TECRL: variants seen among roughly 807,000 people sequenced by gnomAD.
The protein encoded by TECRL is trans-2,3-enoyl-CoA reductase-like.
Under a neutral mutation model 52.8 loss-of-function variants are expected in TECRL, and 63 were observed. The ratio of observed to expected loss-of-function variants is 1.19; its 90% CI spans 0.97 to 1.47. The LOEUF is 1.47. Among genes scored for constraint, TECRL ranks in the 40% most tolerant of loss-of-function variants. The probability of loss-of-function intolerance (pLI) is 0.00; values close to 1 mark genes in which losing one functional copy is unlikely to be tolerated. For synonymous variants in TECRL, 164 were observed against 141.9 expected (o/e 1.16, Z -1.10); for missense variants, 482 against 429.6 (o/e 1.12, Z -1.08).
chr4:64,342,642 C>T (rs1719668158), intron 2 of TECRL, among the ~76,000 whole-genome samples: 1 of 151,706 alleles, frequency 6.6e-6, no homozygotes, highest in Admixed American at 6.6e-5. Context: ...AAATGATTTC[C>T]ATGAATCTTA....
At chr4:64,375,944 C>T (rs1577959573) in intron 1 of TECRL, among the ~76,000 whole-genome samples, 2 of 151,654 alleles carry the variant, frequency 1.3e-5, no homozygotes, top group African/African-American at 2.4e-5. Flanking sequence ...TCTCAAAAGA[C>T]ATTTTATGAT....
At chr4:64,375,094 T>C (rs1722302088) in intron 2 of TECRL, 78 bp downstream of exon 2, 1 of 667,410 alleles carries the variant, frequency 1.5e-6, no homozygotes, top group Non-Finnish European at 2.4e-6. Flanking sequence ...CTAACATATA[T>C]TGCACTTATA....
intron 8 of TECRL, among the ~76,000 whole-genome samples, chr4:64,298,040 T>A (rs919632027): frequency 2.0e-5 from 3 of 151,176 alleles, no homozygotes; most frequent in African/African-American, 7.2e-5. Context: ...TTTTTACTTT[T>A]AAGAAAGGTT....
chr4:64,284,504 G>T (rs564597393), intron 9 of TECRL, among the ~76,000 whole-genome samples: 35 of 152,094 alleles, frequency 2.3e-4, no homozygotes, highest in African/African-American at 7.9e-4. Flanking sequence ...ACTAAGATTC[G>T]CATTGGCTCT....
At chr4:64,326,894 G>T (rs541694082) in intron 3 of TECRL, among the ~76,000 whole-genome samples, 22 of 152,112 alleles carry the variant, frequency 1.4e-4, no homozygotes, top group African/African-American at 5.3e-4. Context: ...CGTATATTTT[G>T]GGAGCAAATG....
rs779284319 is a variant in TECRL at position 64,375,189 on chromosome 4, T to G, written c.269A>C (p.Gln90Pro). ...TQSSTIHDVK[Q>P]KFHKACPKWY... ...AAACTTACATGCTTTGTGAAACTTT[T>G]GCTTAACATCATGAATAGTAGATGA... is the stretch of plus-strand genomic sequence containing the variant. Residue 90 changes from glutamine (Q) to proline (P), a missense_variant, in exon 2 of 12, where the codon CAA becomes CCA. Physicochemically the swap from Gln to Pro is moderately conservative, Grantham distance 76. Transcript: ENST00000381210. 2.1e-6 allele frequency: 3 copies of G among 1,401,004 alleles called. No homozygotes were observed. Among genetic ancestry groups the G allele is most frequent in the Non-Finnish European group, 2.8e-6 (3 of 1,057,428 alleles). 86.8% of individuals were successfully genotyped at this position (1,401,004 alleles called of 1,614,324 possible).
At chr4:64,296,660 AG>A in intron 8 of TECRL, among the ~76,000 whole-genome samples, 1 of 151,798 alleles carries the variant, frequency 6.6e-6, no homozygotes, top group Non-Finnish European at 1.5e-5. Context: ...AATAAAGTTA[AG>A]GGTACAAAAA....
chr4:64,281,081 TC>T lies in TECRL; in HGVS notation c.923del (p.Gly308AspfsTer9). 1 of 1,601,282 alleles carries T rather than the reference TC, an allele frequency of 6.2e-7. No individual in the cohort carries two copies. The highest frequency in any genetic ancestry group is 8.5e-7 in the Non-Finnish European group (1 of 1,171,800). ...TCATGACTGTGAAACTAATCCATGA[TC>T]CAATCTGTTATATTAAAACTTAAAT... is the stretch of plus-strand genomic sequence containing the variant. ...VSCPNYTYEI[G>X]SWISFTVMTQ... On this transcript the variant is annotated frameshift_variant, in exon 11 of 12. Coordinates refer to ENST00000381210, the MANE Select transcript of TECRL (RefSeq NM_001010874.5). LOFTEE classifies it high-confidence loss of function.
At chr4:64,336,146 C>T (rs1008520876) in intron 2 of TECRL, among the ~76,000 whole-genome samples, 1 of 152,026 alleles carries the variant, frequency 6.6e-6, no homozygotes, top group Non-Finnish European at 1.5e-5. Context: ...TGGTCCTGGA[C>T]TTTTTTTGGT....
At chr4:64,371,368 A>G (rs1721963275) in intron 2 of TECRL, among the ~76,000 whole-genome samples, 1 of 150,922 alleles carries the variant, frequency 6.6e-6, no homozygotes, top group African/African-American at 2.4e-5. Flanking sequence ...ATCAAAACCA[A>G]ATAATTATAA....
At chr4:64,361,108 G>C (rs1721159955) in intron 2 of TECRL, among the ~76,000 whole-genome samples, 1 of 152,122 alleles carries the variant, frequency 6.6e-6, no homozygotes, top group Non-Finnish European at 1.5e-5. Context: ...GTCTCAGCAT[G>C]ACTGCACCCA....
intron 1 of TECRL, among the ~76,000 whole-genome samples, chr4:64,382,102 T>A (rs949363377): frequency 1.3e-5 from 2 of 150,666 alleles, no homozygotes; most frequent in African/African-American, 4.9e-5. Flanking sequence ...TATTACTGAT[T>A]CAGTTTTGTT....
At position 64,314,725 on chromosome 4, in the gene TECRL, G is replaced by A. The variant is rs1560492497; in HGVS notation, c.474C>T (p.Tyr158=). 2 of 1,613,054 alleles carry A rather than the reference G, an allele frequency of 1.2e-6. No homozygotes were observed. The highest frequency in any genetic ancestry group is 1.7e-5 in the Admixed American group (1 of 59,950). ...ATGGGATCCTCAAATAAAAGAGGAGGTATATTAGCAGAGGTCCTGTGTATT... is the reference window on the plus strand; with the variant it reads ...ATGGGATCCTCAAATAAAAGAGGAGATATATTAGCAGAGGTCCTGTGTATT... The part of the protein sequence containing the change: ...LAEYTGPLLI[Y]LLFYLRIPCI... The change falls in exon 5 of 12, where the codon TAC becomes TAT. Residue 158 remains tyrosine (Y), a synonymous_variant. Coordinates refer to ENST00000381210, the MANE Select transcript of TECRL (RefSeq NM_001010874.5).
chr4:64,309,812 C>G lies in TECRL; in HGVS notation c.657+14G>C, dbSNP rs1000645885. 7 of 1,504,720 alleles carry G rather than the reference C, an allele frequency of 4.7e-6. No individual in the cohort carries two copies. Among genetic ancestry groups the G allele is most frequent in the African/African-American group, 1.4e-5 (1 of 72,434 alleles). 93.2% of individuals were successfully genotyped at this position (1,504,720 alleles called of 1,614,324 possible). ...AATGTCTCAATCATTATTAAAAACA[C>G]AAAGCATCCTCACCATTATCAAATT... On this transcript the variant is annotated intron_variant, in intron 6 of 11. Transcript: ENST00000381210.
intron 2 of TECRL, among the ~76,000 whole-genome samples, chr4:64,354,642 G>A (rs1720638832): frequency 6.6e-6 from 1 of 152,166 alleles, no homozygotes; most frequent in Non-Finnish European, 1.5e-5. Context: ...GACAGAGAAA[G>A]AATAAGGTTA....
intron 2 of TECRL, among the ~76,000 whole-genome samples, chr4:64,345,921 A>AAAAAAAAAAAAAAAAAAAAC (rs1719936866): frequency 2.1e-5 from 3 of 145,238 alleles, no homozygotes; most frequent in Non-Finnish European, 3.0e-5. Flanking sequence ...AAAAAAAAAA[A>AAAAAAAAAAAAAAAAAAAAC]AAAAAAAAAA....
At chr4:64,287,957 G>A (rs150202706) in intron 9 of TECRL, among the ~76,000 whole-genome samples, 3,251 of 152,106 alleles carry the variant, frequency 0.021, 52 homozygotes, top group Non-Finnish European at 0.032. Context: ...GACCAGCCTG[G>A]CCAACATGGC....
intron 2 of TECRL, among the ~76,000 whole-genome samples, chr4:64,372,622 A>G (rs965465455): frequency 1.3e-5 from 2 of 151,790 alleles, no homozygotes; most frequent in Non-Finnish European, 3.0e-5. Flanking sequence ...AGAAAAATGT[A>G]AAGCTGATAA....
At chr4:64,356,924 T>C (rs4241651) in intron 2 of TECRL, among the ~76,000 whole-genome samples, 137,932 of 152,178 alleles carry the variant, frequency 0.91, 63,006 homozygotes, top group East Asian at 1. Flanking sequence ...ACAGATGCAT[T>C]TGATAATTTT....
Sources: gnomAD v4.1 joint callset for allele counts (sites outside exome capture counted in the v4.1 genomes callset) on GRCh38, gnomAD v4.1.1 for gene constraint, MANE v1.5 for transcripts, NCBI Gene and HGNC (gene_info 2026-07-23, HGNC 2026-07-21) for gene names.